The following ELP1 variants were observed in gnomAD, a reference collection of about 807,000 sequenced individuals.
ELP1 encodes the protein elongator complex protein 1.
ELP1 carries 131 observed loss-of-function variants against 183.2 expected under a neutral mutation model. That is an observed-to-expected ratio of 0.72 (90% CI 0.62 to 0.83). ELP1 has a LOEUF of 0.83. Among genes scored for constraint, ELP1 ranks in the 40% least tolerant of loss-of-function variants. ELP1 has a pLI of 0.00. For synonymous variants in ELP1, 555 were observed against 569.0 expected (o/e 0.98, Z 0.35); for missense variants, 1,550 against 1,594.9 (o/e 0.97, Z 0.48).
At chr9:108,896,889 A>G in intron 24 of ELP1, 64 bp downstream of exon 24, 1 of 1,380,424 alleles carries the variant, frequency 7.2e-7, no homozygotes, top group Non-Finnish European at 1.0e-6. Flanking sequence ...GGTGATTGTC[A>G]CCTGCAGAAG....
At position 108,899,784 on chromosome 9, in the gene ELP1, A is replaced by T. The variant is rs756067035; in HGVS notation, c.2204+38T>A. 2.0e-6 allele frequency: 3 copies of T among 1,512,620 alleles called. No individual in the cohort carries two copies. The Admixed American group carries it at 5.0e-5, about 25-fold the overall frequency. The allele number at this position is 1,512,620 out of a possible 1,614,324, so 93.7% of individuals were successfully genotyped here. A position where few individuals can be genotyped will look rare whatever the true frequency, so the allele number is the denominator to read the frequency against. On this transcript the variant is annotated intron_variant, in intron 20 of 36. Transcript: ENST00000374647. ...TACTTATTGTCTTCACACATAAATCACAAGCTAACTAGTCGCAAACAGTAC... is the reference window on the plus strand; with the variant it reads ...TACTTATTGTCTTCACACATAAATCTCAAGCTAACTAGTCGCAAACAGTAC...
rs924119518 is a variant in ELP1 at position 108,893,975 on chromosome 9, T to C, written c.2828A>G (p.Tyr943Cys). ...RFTIDKYLKRYEKAIGHLSKC... is the reference protein window; with the variant it reads ...RFTIDKYLKRCEKAIGHLSKC... ...GCTGAGGTGGCCAATGGCTTTTTCA[T>C]ATCGTTTCAAGTATTTGTCTATAGT... The change falls in exon 26 of 37, where the codon TAT becomes TGT. Residue 943 changes from tyrosine (Y) to cysteine (C), a missense_variant. By Grantham distance (194) the Tyr-to-Cys change is radical (BLOSUM62 -2). Coordinates refer to ENST00000374647, the MANE Select transcript of ELP1 (RefSeq NM_003640.5). 5.0e-6 allele frequency: 8 copies of C among 1,613,588 alleles called. No individual in the cohort carries two copies. Among genetic ancestry groups the C allele is most frequent in the African/African-American group, 1.3e-5 (1 of 75,048 alleles).
rs80077673 is a variant in ELP1, at chr9:108,890,627, C to T, written c.3160+576G>A. On this transcript the variant is annotated intron_variant, in intron 28 of 36. Coordinates refer to ENST00000374647, the MANE Select transcript of ELP1 (RefSeq NM_003640.5). ...TGGTTCGGGCAACCCTTGTCCCTGA[C>T]GCAGCTAAACTGCCTTTGCTTTCAG... Among the ~76,000 whole-genome samples, 307 of 152,264 alleles carry T rather than the reference C, an allele frequency of 2.0e-3. 1 individual carries two copies. The highest frequency in any genetic ancestry group is 7.1e-3 in the African/African-American group (295 of 41,562).
intron 5 of ELP1, among the ~76,000 whole-genome samples, chr9:108,923,693 C>T (rs1829736376): frequency 6.6e-6 from 1 of 152,226 alleles, no homozygotes; most frequent in Non-Finnish European, 1.5e-5. Context: ...GAGACCCTCC[C>T]TAATGGTGGA....
chr9:108,899,950 C>A, intron 19 of ELP1, 55 bp from the exon 20 acceptor site: 1 of 1,348,074 alleles, frequency 7.4e-7, no homozygotes, highest in African/African-American at 1.4e-5. Flanking sequence ...ATTTAAATAG[C>A]CAGGATACAC....
At chr9:108,887,771 T>C (rs1828182576) in intron 29 of ELP1, among the ~76,000 whole-genome samples, 1 of 152,148 alleles carries the variant, frequency 6.6e-6, no homozygotes, top group Non-Finnish European at 1.5e-5. Context: ...TACGTAGCAA[T>C]AGATAATACA....
In ELP1 at chr9:108,901,077, C is replaced by T. The variant is rs566398004; in HGVS notation, c.2014+348G>A. Among the ~76,000 whole-genome samples the T allele has an allele frequency of 2.6e-5, 4 of 152,150 alleles. No homozygotes were observed. In the South Asian group the frequency reaches 8.3e-4, roughly 32 times the overall value. On this transcript the variant is annotated intron_variant, in intron 18 of 36. Transcript: ENST00000374647. ...GCGCAGATGTACAGTGGAGGGTGGG[C>T]ACAGTGGGAAAAGACTACACAGAAG...
intron 6 of ELP1, 107 bp from the exon 7 acceptor site, chr9:108,919,456 C>T (rs1829565261): frequency 2.9e-6 from 2 of 696,224 alleles, no homozygotes; most frequent in Non-Finnish European, 5.1e-6. Flanking sequence ...GTTTAAGCTA[C>T]TTTGAAAGCC....
At position 108,879,822 on chromosome 9, in the gene ELP1, G is replaced by C. The variant is rs201547419; in HGVS notation, c.3460+230C>G. 5.3e-5 allele frequency among the ~76,000 whole-genome samples: 8 copies of C among 152,304 alleles called. No individual in the cohort carries two copies. The East Asian group carries it at 1.2e-3, about 22-fold the overall frequency. ...AGTGGTCAGCTGCTCTGGGTGAATG[G>C]GGGTAGGTGGGAATGTCTGGCAGAG... On this transcript the variant is annotated intron_variant, in intron 32 of 36. Transcript: ENST00000374647.
chr9:108,927,251 T>C, intron 4 of ELP1, 121 bp downstream of exon 4: 1 of 766,410 alleles, frequency 1.3e-6, no homozygotes, highest in African/African-American at 1.7e-5. Context: ...TGGTTCATAA[T>C]TGGTATTATA....
At position 108,917,835 on chromosome 9, in the gene ELP1, G is replaced by A. The variant is rs372907473; in HGVS notation, c.741-165C>T. Among the ~76,000 whole-genome samples the A allele has an allele frequency of 7.2e-5, 11 of 152,184 alleles. No homozygotes were observed. The South Asian group carries it at 1.7e-3, about 23-fold the overall frequency. ...AAATCCCATGTGTCCCTTGTCTCTC[G>A]GCGAGCGGTTCATCCCACTGTGGGA... On this transcript the variant is annotated intron_variant, in intron 8 of 36. Transcript: ENST00000374647.
rs398102543 is a variant in ELP1 at position 108,917,684 on chromosome 9, C to CA, written c.741-15dup. 0.11 allele frequency: 178,686 copies of CA among 1,613,212 alleles called. 10,928 individuals carry two copies. The highest frequency in any genetic ancestry group is 0.15 in the African/African-American group (10,885 of 74,952). On this transcript the variant is annotated splice_polypyrimidine_tract_variant and intron_variant, in intron 8 of 36. Coordinates refer to ENST00000374647, the MANE Select transcript of ELP1 (RefSeq NM_003640.5). The stretch of plus-strand genomic sequence containing the variant: ...CTGCCTGAGGGTCTTAAAGCAAACT[C>CA]AGAGTGTTACAATATCGAAAGCTCA...
Position 108,900,356 on chromosome 9 carries a change from G to A in ELP1, c.2034C>T (p.Ser678=), listed in dbSNP as rs2131988767. ...CTTCCCCATGGGACACATGATTGCT[G>A]CTCAGGCCGGCCTGTAATGCTAAAC... ...ASFKTLQAGL[S]SNHVSHGEVL... The change falls in exon 19 of 37, where the codon AGC becomes AGT. Residue 678 remains serine (S), a synonymous_variant. Transcript: ENST00000374647. 1 of 1,614,040 alleles carries A rather than the reference G, an allele frequency of 6.2e-7. No homozygotes were observed. The highest frequency in any genetic ancestry group is 1.1e-5 in the South Asian group (1 of 91,070).
intron 36 of ELP1, among the ~76,000 whole-genome samples, chr9:108,872,720 G>C (rs1447216811): frequency 6.9e-6 from 1 of 144,056 alleles, no homozygotes; most frequent in African/African-American, 2.7e-5. Context: ...CAGGAGAATG[G>C]CGTGAACCCG....
intron 10 of ELP1, among the ~76,000 whole-genome samples, chr9:108,914,196 G>A (rs964922657): frequency 2.0e-5 from 3 of 151,906 alleles, no homozygotes; most frequent in Non-Finnish European, 4.4e-5. Context: ...GATGGAGATC[G>A]AGACCATCCT....
intron 12 of ELP1, among the ~76,000 whole-genome samples, chr9:108,908,986 T>C (rs1829114552): frequency 6.6e-6 from 1 of 152,052 alleles, no homozygotes; most frequent in South Asian, 2.1e-4. Flanking sequence ...CTTCGGTGGT[T>C]GCTTTTTACT....
intron 10 of ELP1, among the ~76,000 whole-genome samples, chr9:108,914,042 G>C (rs1440027167): frequency 6.6e-6 from 1 of 152,072 alleles, no homozygotes; most frequent in Non-Finnish European, 1.5e-5. Flanking sequence ...TTTTTCTAAA[G>C]GTGTGGCCAG....
intron 25 of ELP1, among the ~76,000 whole-genome samples, chr9:108,896,212 G>GC (rs753491538): frequency 1.4e-4 from 22 of 152,100 alleles, no homozygotes; most frequent in Admixed American, 2.0e-4. Context: ...AGCCGAGATC[G>GC]CACCACTGCA....
At chr9:108,932,363 C>T (rs563023350) in intron 1 of ELP1, among the ~76,000 whole-genome samples, 1 of 151,116 alleles carries the variant, frequency 6.6e-6, no homozygotes, top group South Asian at 2.1e-4. Flanking sequence ...TTTTTTGAGA[C>T]GGAGTTTCGC....
Sources: allele counts gnomAD v4.1 joint callset (sites outside exome capture counted in the v4.1 genomes callset), GRCh38; gene constraint gnomAD v4.1.1; transcripts MANE v1.5; gene names NCBI Gene and HGNC (gene_info 2026-07-23, HGNC 2026-07-21).